The following ANK1 variants were observed in gnomAD, a reference collection of about 807,000 sequenced individuals.
The protein encoded by ANK1 is ankyrin-1.
Under a neutral mutation model 210.4 loss-of-function variants are expected in ANK1, and 51 were observed. The observed-to-expected ratio is 0.24, with a 90% CI of 0.19 to 0.31. ANK1 has a LOEUF of 0.31. Ranked by LOEUF, ANK1 falls within the 10% of genes least tolerant of loss-of-function variation. The probability of loss-of-function intolerance (pLI) is 1.00; values close to 1 mark genes in which losing one functional copy is unlikely to be tolerated. For missense variants in ANK1, 2,051 were observed against 2,504.4 expected, an observed-to-expected ratio of 0.82 and a Z score of 3.86; for synonymous variants, 967 against 1,025.9, an observed-to-expected ratio of 0.94 and a Z score of 1.10.
chr8:41,745,566 G>A (rs1308020264), intron 2 of ANK1, among the ~76,000 whole-genome samples: 1 of 152,218 alleles, frequency 6.6e-6, no homozygotes, highest in East Asian at 1.9e-4. Context: ...TGCAGAGGCT[G>A]CTGGAGGAGA....
intron 1 of ANK1, among the ~76,000 whole-genome samples, chr8:41,768,375 G>A (rs564295169): frequency 3.9e-5 from 6 of 152,190 alleles, no homozygotes; most frequent in African/African-American, 1.2e-4. Flanking sequence ...TTCCTCTCCC[G>A]CTGTCCCCTG....
chr8:41,669,013 C>T (rs1208904383), intron 38 of ANK1, among the ~76,000 whole-genome samples: 2 of 151,834 alleles, frequency 1.3e-5, no homozygotes, highest in African/African-American at 4.8e-5. Context: ...TCTCCCGTGG[C>T]TCCTGGAAGG....
intron 1 of ANK1, among the ~76,000 whole-genome samples, chr8:41,793,505 G>C (rs1848164879): frequency 6.6e-6 from 1 of 152,254 alleles, no homozygotes; most frequent in Admixed American, 6.5e-5. Context: ...GCAAGAAAGT[G>C]AAGTGGTAAG....
chr8:41,793,238 C>A (rs113980407), intron 1 of ANK1, among the ~76,000 whole-genome samples: 3 of 152,006 alleles, frequency 2.0e-5, no homozygotes, highest in Admixed American at 2.0e-4. Context: ...ATTAGCTGAA[C>A]GTGGAGGTGC....
At chr8:41,758,706 G>A (rs900645547) in intron 1 of ANK1, among the ~76,000 whole-genome samples, 1 of 151,954 alleles carries the variant, frequency 6.6e-6, no homozygotes, top group Non-Finnish European at 1.5e-5. Context: ...GCCTTTGAGG[G>A]GGAGCCCATT....
chr8:41,660,319 A>G (rs989096238), intron 42 of ANK1: 3 of 430,252 alleles, frequency 7.0e-6, no homozygotes, highest in Non-Finnish European at 1.4e-5. Flanking sequence ...GAATGCAGAA[A>G]GCTAGAGCCT....
At chr8:41,809,096 C>G (rs143456166) in intron 1 of ANK1, among the ~76,000 whole-genome samples, 1 of 152,346 alleles carries the variant, frequency 6.6e-6, no homozygotes, top group African/African-American at 2.4e-5. Context: ...TCATCCAGGG[C>G]TCACACTTCC....
chr8:41,784,242 C>A (rs922853468), intron 1 of ANK1, among the ~76,000 whole-genome samples: 1 of 152,164 alleles, frequency 6.6e-6, no homozygotes, highest in Non-Finnish European at 1.5e-5. Flanking sequence ...CTACCCCACT[C>A]TCTCACCCCC....
Position 41,841,455 on chromosome 8 carries a change from C to T in ANK1, c.126+54900G>A, listed in dbSNP as rs557560747. ...GCAAGATGAATGAGTTCCAGCTATC[C>T]ACTGTACAACATGCTACCTACAGTA... On this transcript the variant is annotated intron_variant, in intron 1 of 42. Transcript: ENST00000265709. 7.2e-5 allele frequency among the ~76,000 whole-genome samples: 11 copies of T among 152,338 alleles called. No individual in the cohort carries two copies. In the South Asian group the frequency reaches 1.9e-3, roughly 26 times the overall value.
At chr8:41,757,865 C>T (rs1474444225) in intron 2 of ANK1, among the ~76,000 whole-genome samples, 171 bp downstream of exon 2, 1 of 152,266 alleles carries the variant, frequency 6.6e-6, no homozygotes, top group Admixed American at 6.5e-5. Flanking sequence ...GGGCCCTGGG[C>T]CACGGCAGGA....
At chr8:41,887,242 C>CTTTTTTTTTTTTTTTTTT (rs35112522) in intron 1 of ANK1, among the ~76,000 whole-genome samples, 1 of 80,712 alleles carries the variant, frequency 1.2e-5, no homozygotes, top group African/African-American at 5.6e-5. Context: ...CTTTCCTTTC[C>CTTTTTTTTTTTTTTTTTT]TTTTTTTTTT....
At chr8:41,772,979 T>C (rs1843248181) in intron 1 of ANK1, among the ~76,000 whole-genome samples, 1 of 152,032 alleles carries the variant, frequency 6.6e-6, no homozygotes, top group Non-Finnish European at 1.5e-5. Flanking sequence ...GTTGGGGAAA[T>C]GTTATTAACT....
At chr8:41,780,240 T>G (rs1844991098) in intron 1 of ANK1, among the ~76,000 whole-genome samples, 1 of 152,142 alleles carries the variant, frequency 6.6e-6, no homozygotes, top group Non-Finnish European at 1.5e-5. Context: ...GGTCTTGCTA[T>G]GTTGCCCAGT....
At chr8:41,740,487 G>A (rs1010728075) in intron 2 of ANK1, among the ~76,000 whole-genome samples, 3 of 151,996 alleles carry the variant, frequency 2.0e-5, no homozygotes, top group East Asian at 1.9e-4. Context: ...GTAGAATCCC[G>A]GGCCCAAAAC....
At chr8:41,891,930 T>C (rs545250275) in intron 1 of ANK1, among the ~76,000 whole-genome samples, 1 of 152,238 alleles carries the variant, frequency 6.6e-6, no homozygotes, top group African/African-American at 2.4e-5. Context: ...GCTTTACATA[T>C]AAATATCCAT....
At chr8:41,706,971 A>G (rs1229562280) in intron 17 of ANK1, among the ~76,000 whole-genome samples, 1 of 152,208 alleles carries the variant, frequency 6.6e-6, no homozygotes, top group East Asian at 1.9e-4. Context: ...GTGGTGGCTC[A>G]TGCCTGTAAT....
At chr8:41,718,508 C>A (rs1285847508) in intron 10 of ANK1, among the ~76,000 whole-genome samples, 4 of 152,142 alleles carry the variant, frequency 2.6e-5, no homozygotes, top group South Asian at 2.1e-4. Flanking sequence ...CATTTAAAGC[C>A]CCCTAAGGGT....
upstream of ANK1, among the ~76,000 whole-genome samples, chr8:41,802,126 A>T (rs1032031280): frequency 6.6e-6 from 1 of 152,130 alleles, no homozygotes; most frequent in African/African-American, 2.4e-5. Flanking sequence ...AATAGCTGGG[A>T]CTACAGGCAC....
chr8:41,691,959 T>C (rs1819382173), intron 31 of ANK1, among the ~76,000 whole-genome samples: 1 of 152,168 alleles, frequency 6.6e-6, no homozygotes, highest in South Asian at 2.1e-4. Flanking sequence ...TTCCAAAGTG[T>C]TGGGATTATA....
Sources: allele counts gnomAD v4.1 joint callset (sites outside exome capture counted in the v4.1 genomes callset), GRCh38; gene constraint gnomAD v4.1.1; transcripts MANE v1.5; gene names NCBI Gene and HGNC (gene_info 2026-07-23, HGNC 2026-07-21).